APTX: variants seen among roughly 807,000 people sequenced by gnomAD.
APTX encodes aprataxin, also known as forkhead-associated domain histidine triad-like protein.
In APTX, 33 loss-of-function variants were observed where a neutral mutation model predicts 42.3. The ratio of observed to expected loss-of-function variants is 0.78; its 90% confidence interval spans 0.59 to 1.04. APTX has a LOEUF of 1.04. Among genes scored for constraint, APTX ranks in the 50% least tolerant of loss-of-function variants. APTX has a pLI of 0.00. For missense variants in APTX, 421 were observed against 415.1 expected (o/e 1.01, Z -0.12); for synonymous variants, 130 against 146.7 (o/e 0.89, Z 0.82).
rs1408472964 is a variant in APTX at position 32,989,894 on chromosome 9, CTCTAAGGGACAAAACAAAAGAA to C, written c.-4-21_-4del. 1.2e-6 allele frequency: 2 copies of C among 1,613,740 alleles called. No homozygotes were observed. Among genetic ancestry groups the C allele is most frequent in the Non-Finnish European group, 1.7e-6 (2 of 1,179,826 alleles). ...ACCAACCAGCACACCCGCATCATCA[CTCTAAGGGACAAAACAAAAGAA>C]TCACTAGAAAAACAGATCCACTAGC... On this transcript the variant is annotated splice_acceptor_variant and splice_polypyrimidine_tract_variant and 5_prime_UTR_variant and intron_variant, in exon 2 of 8. Coordinates refer to ENST00000379817, the MANE Select transcript of APTX (RefSeq NM_001195248.2). LOFTEE classifies it low-confidence loss of function (5UTR_SPLICE).
chr9:33,023,408 A>G (rs1838558533), intron 1 of APTX, among the ~76,000 whole-genome samples: 1 of 151,850 alleles, frequency 6.6e-6, no homozygotes, highest in African/African-American at 2.4e-5. Flanking sequence ...TATTTTTAGT[A>G]GAGAAGGGTT....
At chr9:33,007,277 C>A (rs1389209329) in intron 1 of APTX, among the ~76,000 whole-genome samples, 1 of 152,064 alleles carries the variant, frequency 6.6e-6, no homozygotes, top group East Asian at 1.9e-4. Context: ...TGAGCAAGGA[C>A]AATAGTAAAC....
chr9:32,989,979 T>A, intron 1 of APTX, 84 bp from the exon 2 acceptor site: 1 of 1,521,424 alleles, frequency 6.6e-7, no homozygotes, highest in South Asian at 1.2e-5. Flanking sequence ...CCACCACGCA[T>A]GTGATCTACC....
intron 4 of APTX, among the ~76,000 whole-genome samples, chr9:32,986,786 C>T (rs1425325477): frequency 6.6e-6 from 1 of 151,586 alleles, no homozygotes; most frequent in Admixed American, 6.6e-5. Flanking sequence ...CAGGCGTGAG[C>T]CAGCACACCC....
chr9:33,007,010 AAAAAAAAAAAAAAG>A (rs1457956141), intron 1 of APTX, among the ~76,000 whole-genome samples: 1 of 148,390 alleles, frequency 6.7e-6, no homozygotes, highest in Non-Finnish European at 1.5e-5. Flanking sequence ...AAAAAAAAAA[AAAAAAAAAAAAAAG>A]AAAGAAAGAA....
intron 1 of APTX, among the ~76,000 whole-genome samples, chr9:33,017,334 C>T (rs966250626): frequency 6.6e-6 from 1 of 152,160 alleles, no homozygotes; most frequent in Non-Finnish European, 1.5e-5. Flanking sequence ...CTTACAAACA[C>T]CAGAAACTTA....
chr9:33,009,032 A>T (rs979176273), intron 1 of APTX, among the ~76,000 whole-genome samples: 3 of 151,672 alleles, frequency 2.0e-5, no homozygotes, highest in African/African-American at 7.3e-5. Context: ...ATTATTTTCA[A>T]CTCCTGCTTT....
At chr9:32,995,951 A>C (rs961882526) in intron 1 of APTX, among the ~76,000 whole-genome samples, 5 of 151,906 alleles carry the variant, frequency 3.3e-5, no homozygotes, top group African/African-American at 1.2e-4. Context: ...GACCCTGATC[A>C]GTCAGCAGCC....
chr9:33,024,554 C>A (rs1490099328), intron 1 of APTX, among the ~76,000 whole-genome samples: 1 of 152,118 alleles, frequency 6.6e-6, no homozygotes, highest in Non-Finnish European at 1.5e-5. Flanking sequence ...AAAACCTGAC[C>A]AGAGGAGTCC....
At chr9:33,001,411 G>GT (rs1836430283) in intron 1 of APTX, 156 bp downstream of exon 1, 1 of 1,537,130 alleles carries the variant, frequency 6.5e-7, no homozygotes, top group Non-Finnish European at 8.7e-7. Context: ...GCCCAAGGTA[G>GT]TAACAGGGGA....
At chr9:32,977,894 T>C (rs910764191) in intron 6 of APTX, among the ~76,000 whole-genome samples, 1 of 151,900 alleles carries the variant, frequency 6.6e-6, no homozygotes, top group Non-Finnish European at 1.5e-5. Context: ...GTCTCTGATA[T>C]AAGAAGGTAT....
chr9:32,990,004 A>G, intron 1 of APTX, 109 bp from the exon 2 acceptor site: 1 of 1,413,044 alleles, frequency 7.1e-7, no homozygotes, highest in South Asian at 1.2e-5. Context: ...GTTCATCTTG[A>G]GGCAAGTGAC....
rs1398795602 is a variant in APTX at position 32,987,825 on chromosome 9, T to C, written c.202A>G (p.Ile68Val). 1 of 1,613,542 alleles carries C rather than the reference T, an allele frequency of 6.2e-7. No homozygotes were observed. Among genetic ancestry groups the C allele is most frequent in the African/African-American group, 1.3e-5 (1 of 74,926 alleles). ...VKQVGVNPTS[I>V]DSVVIGKDQE... ...TCCTTCCCAATTACGACTGAGTCAA[T>C]GCTGGTGGGATTGACTCCTACCTAT... The change falls in exon 4 of 8, where the codon ATT (isoleucine) becomes GTT (valine). Residue 68 changes from isoleucine to valine, a missense_variant. By Grantham distance (29) the Ile-to-Val change is conservative (BLOSUM62 3). Coordinates refer to ENST00000379817, the MANE Select transcript of APTX (RefSeq NM_001195248.2).
chr9:32,988,497 G>A (rs970815927), intron 2 of APTX, among the ~76,000 whole-genome samples: 1 of 151,708 alleles, frequency 6.6e-6, no homozygotes, highest in African/African-American at 2.4e-5. Context: ...TGGGCAGCAT[G>A]GCAATACCCC....
At chr9:33,003,101 T>G (rs1836822578), upstream of APTX, among the ~76,000 whole-genome samples, 1 of 152,232 alleles carries the variant, frequency 6.6e-6, no homozygotes, top group African/African-American at 2.4e-5. Context: ...GTTCCCTCAA[T>G]TAAGCATCCC....
At chr9:32,996,790 A>T (rs1835052255) in intron 1 of APTX, among the ~76,000 whole-genome samples, 1 of 152,230 alleles carries the variant, frequency 6.6e-6, no homozygotes, top group Non-Finnish European at 1.5e-5. Flanking sequence ...CTGCTAACAG[A>T]CTGCATCACT....
intron 4 of APTX, chr9:32,986,293 C>T (rs753861973): frequency 3.4e-5 from 18 of 529,378 alleles, no homozygotes; most frequent in Non-Finnish European, 5.3e-5. Flanking sequence ...CTGCAACCTC[C>T]GAAGTGATTC....
chr9:33,013,238 C>T (rs1837661576), intron 1 of APTX, among the ~76,000 whole-genome samples: 1 of 152,152 alleles, frequency 6.6e-6, no homozygotes, highest in Admixed American at 6.5e-5. Context: ...TTCACAATAA[C>T]TCTATGAGCT....
chr9:32,974,084 AC>A lies in APTX; in HGVS notation c.874+373del. Among the ~76,000 whole-genome samples the A allele has an allele frequency of 2.6e-5, 4 of 152,132 alleles. 1 individual carries two copies. The Middle Eastern group carries it at 0.01, about 388-fold the overall frequency. On this transcript the variant is annotated intron_variant, in intron 7 of 7. Transcript: ENST00000379817. The stretch of plus-strand genomic sequence containing the variant: ...TACACAGGGTTCCCCCTGCTAATTC[AC>A]CACTCCTGACAGGAGGCAGCCCCAA...
Sources: gnomAD v4.1 joint callset for allele counts (sites outside exome capture counted in the v4.1 genomes callset) on GRCh38, gnomAD v4.1.1 for gene constraint, MANE v1.5 for transcripts, NCBI Gene and HGNC (gene_info 2026-07-23, HGNC 2026-07-21) for gene names.